The following MTUS1 variants were observed in gnomAD, a reference collection of about 807,000 sequenced individuals.
MTUS1 encodes the protein microtubule-associated tumor suppressor 1.
MTUS1 carries 109 observed loss-of-function variants against 120.8 expected under a neutral mutation model. The observed-to-expected ratio is 0.90, with a 90% CI of 0.77 to 1.06. MTUS1 has a LOEUF of 1.06. Ranked by LOEUF, MTUS1 falls within the 50% of genes least tolerant of loss-of-function variation. The pLI, the probability that MTUS1 is intolerant of heterozygous loss-of-function variation, is 0.00. For synonymous variants in MTUS1, 737 were observed against 550.5 expected, an observed-to-expected ratio of 1.34 and a Z score of -4.74; for missense variants, 2,210 against 1,486.3, an observed-to-expected ratio of 1.49 and a Z score of -8.01.
At chr8:17,794,885 G>A (rs191552790) in intron 1 of MTUS1, among the ~76,000 whole-genome samples, 6 of 152,188 alleles carry the variant, frequency 3.9e-5, no homozygotes, top group South Asian at 2.1e-4. Flanking sequence ...TTTTCATTCC[G>A]TAAAGCTAGC....
At chr8:17,783,092 A>G (rs1016253638) in intron 1 of MTUS1, among the ~76,000 whole-genome samples, 2 of 152,106 alleles carry the variant, frequency 1.3e-5, no homozygotes, top group African/African-American at 4.8e-5. Flanking sequence ...ACAAACAAAC[A>G]AACACACACA....
At chr8:17,750,817 C>T (rs139984007) in intron 2 of MTUS1, among the ~76,000 whole-genome samples, 2 of 152,324 alleles carry the variant, frequency 1.3e-5, no homozygotes, top group East Asian at 1.9e-4. Flanking sequence ...CTTTATCTCA[C>T]ACACTATCAT....
At chr8:17,774,289 C>A (rs563840633) in intron 1 of MTUS1, among the ~76,000 whole-genome samples, 1 of 152,328 alleles carries the variant, frequency 6.6e-6, no homozygotes, top group African/African-American at 2.4e-5. Context: ...AAACGCCAAA[C>A]AGCTGAACAC....
intron 1 of MTUS1, among the ~76,000 whole-genome samples, chr8:17,759,101 T>G (rs1790574552): frequency 6.6e-6 from 1 of 151,772 alleles, no homozygotes; most frequent in Admixed American, 6.6e-5. Flanking sequence ...CAGCATGGTC[T>G]TGATCTCCTG....
chr8:17,782,989 A>C (rs1393366173), intron 1 of MTUS1, among the ~76,000 whole-genome samples: 2 of 152,162 alleles, frequency 1.3e-5, no homozygotes. Context: ...GAGGCAGGAG[A>C]ATCGCTTAAA....
In MTUS1 at chr8:17,649,831, C is replaced by T; in HGVS notation, c.3501+15G>A. The T allele has an allele frequency of 7.2e-7, 1 of 1,382,336 alleles. No homozygotes were observed. Among genetic ancestry groups the T allele is most frequent in the Non-Finnish European group, 1.0e-6 (1 of 969,800 alleles). The allele number at this position is 1,382,336 out of a possible 1,614,324, so 85.6% of individuals were successfully genotyped here. The stretch of plus-strand genomic sequence containing the variant: ...CCCATTTGTAAGATCCTCTTTCATT[C>T]TGAAGGAAACATACCAGTTTCTCCA... On this transcript the variant is annotated intron_variant, in intron 13 of 14. Coordinates refer to ENST00000693296, the MANE Select transcript of MTUS1 (RefSeq NM_001363059.2).
At chr8:17,659,212 G>C (rs1232809723) in intron 8 of MTUS1, among the ~76,000 whole-genome samples, 1 of 152,088 alleles carries the variant, frequency 6.6e-6, no homozygotes, top group Admixed American at 6.6e-5. Context: ...CTACCAAGCT[G>C]TTTCTTGTGC....
intron 13 of MTUS1, 42 bp downstream of exon 13, chr8:17,649,804 A>G: frequency 9.2e-7 from 1 of 1,086,134 alleles, no homozygotes; most frequent in Non-Finnish European, 1.4e-6. Context: ...CACACATATT[A>G]CCCCATTTGT....
chr8:17,645,386 A>C lies in MTUS1; in HGVS notation c.*540T>G, dbSNP rs1401357059. 6.6e-6 allele frequency: 1 copy of C among 151,976 alleles called. No homozygotes were observed. The highest frequency in any genetic ancestry group is 1.5e-5 in the Non-Finnish European group (1 of 68,198). 9.4% of individuals were successfully genotyped at this position (151,976 alleles called of 1,614,324 possible). A position where few individuals can be genotyped will look rare whatever the true frequency, so the allele number is the denominator to read the frequency against. ...TCTTCTATGGCTTTGGCTGAAATGT[A>C]TATGCTGATTGATTGATTATTATTT... is the stretch of plus-strand genomic sequence containing the variant. On this transcript the variant is annotated 3_prime_UTR_variant, in exon 15 of 15. Coordinates refer to ENST00000693296, the MANE Select transcript of MTUS1 (RefSeq NM_001363059.2).
intron 1 of MTUS1, among the ~76,000 whole-genome samples, chr8:17,782,412 A>G (rs1340178186): frequency 6.6e-6 from 1 of 152,178 alleles, no homozygotes; most frequent in African/African-American, 2.4e-5. Flanking sequence ...AAAACTATAC[A>G]TTATCTTCTG....
At position 17,647,236 on chromosome 8, in the gene MTUS1, A is replaced by C. The variant is rs113158845; in HGVS notation, c.3502-157T>G. On this transcript the variant is annotated intron_variant, in intron 13 of 14. Transcript: ENST00000693296. ...TATACACTAACAAACATACTGAAAA[A>C]GATTTTAAAACAGCAAAACAGAGCG... 973 of 589,234 alleles carry C rather than the reference A, an allele frequency of 1.7e-3. 9 individuals are homozygous for C. The African/African-American group carries it at 0.017, about 10-fold the overall frequency. 36.5% of individuals were successfully genotyped at this position (589,234 alleles called of 1,614,324 possible).
chr8:17,726,705 A>G (rs552228150), intron 3 of MTUS1, among the ~76,000 whole-genome samples: 30 of 152,190 alleles, frequency 2.0e-4, no homozygotes, highest in Non-Finnish European at 3.7e-4. Flanking sequence ...TTAAAAATTT[A>G]TGGTTAGCCA....
intron 10 of MTUS1, 131 bp downstream of exon 10, chr8:17,654,430 C>A: frequency 1.5e-6 from 1 of 656,960 alleles, no homozygotes; most frequent in Non-Finnish European, 2.6e-6. Context: ...CAAAAAGGAA[C>A]CAAGAACACC....
At chr8:17,675,037 G>C in intron 8 of MTUS1, 149 bp downstream of exon 8, 1 of 1,443,250 alleles carries the variant, frequency 6.9e-7, no homozygotes, top group Non-Finnish European at 9.1e-7. Flanking sequence ...CAAAAGAAAT[G>C]TCGATAGTAA....
chr8:17,729,070 G>A (rs2046395593), intron 3 of MTUS1, among the ~76,000 whole-genome samples: 1 of 152,166 alleles, frequency 6.6e-6, no homozygotes, highest in Non-Finnish European at 1.5e-5. Context: ...CGAGACATGA[G>A]AATATGTATT....
intron 2 of MTUS1, among the ~76,000 whole-genome samples, chr8:17,744,197 A>C (rs923095264): frequency 1.3e-5 from 2 of 152,200 alleles, no homozygotes; most frequent in African/African-American, 2.4e-5. Context: ...GCAAATTTAC[A>C]TTCTGTAGAG....
At chr8:17,721,142 T>G (rs1032170082) in intron 4 of MTUS1, among the ~76,000 whole-genome samples, 26 of 152,238 alleles carry the variant, frequency 1.7e-4, no homozygotes, top group African/African-American at 6.0e-4. Flanking sequence ...AAACCAATAT[T>G]TGTTAAAGGG....
chr8:17,748,090 T>C (rs534867864), intron 2 of MTUS1: 2 of 152,208 alleles, frequency 1.3e-5, no homozygotes, highest in Non-Finnish European at 2.9e-5. Flanking sequence ...CCAAATCATA[T>C]CAACTGGAGA....
intron 3 of MTUS1, 141 bp downstream of exon 3, chr8:17,743,463 T>G: frequency 5.2e-6 from 4 of 764,736 alleles, no homozygotes; most frequent in Non-Finnish European, 6.1e-6. Flanking sequence ...GTTGTCATCT[T>G]CTTTTTCTAC....
Sources: gnomAD v4.1 joint callset for allele counts (sites outside exome capture counted in the v4.1 genomes callset) on GRCh38, gnomAD v4.1.1 for gene constraint, MANE v1.5 for transcripts, NCBI Gene and HGNC (gene_info 2026-07-23, HGNC 2026-07-21) for gene names.